Variants in OPCML observed in about 807,000 individuals in gnomAD.
The protein encoded by OPCML is opioid-binding protein/cell adhesion molecule.
In OPCML, 13 loss-of-function variants were observed where a neutral mutation model predicts 37.8. That is an observed-to-expected ratio of 0.34 (90% CI 0.22 to 0.55). The LOEUF is 0.55. Among genes scored for constraint, OPCML ranks in the 20% least tolerant of loss-of-function variants. The pLI is 0.91. For synonymous variants in OPCML, 176 were observed against 168.8 expected (o/e 1.04, Z -0.33); for missense variants, 341 against 435.6 (o/e 0.78, Z 1.93).
At chr11:132,632,587 C>T (rs528802565) in intron 3 of OPCML, among the ~76,000 whole-genome samples, 54 of 152,052 alleles carry the variant, frequency 3.6e-4, no homozygotes, top group Non-Finnish European at 6.2e-4. Context: ...AACACAATGT[C>T]GCCGCAGAGG....
intron 2 of OPCML, among the ~76,000 whole-genome samples, chr11:132,808,616 G>T (rs565982521): frequency 1.3e-5 from 2 of 152,234 alleles, no homozygotes; most frequent in East Asian, 3.9e-4. Context: ...TAGTGTAAAT[G>T]AAACACGACT....
At chr11:133,258,249 C>A (rs901735352) in intron 1 of OPCML, among the ~76,000 whole-genome samples, 2 of 152,300 alleles carry the variant, frequency 1.3e-5, no homozygotes, top group South Asian at 2.1e-4. Flanking sequence ...AGGCCACACA[C>A]AAAGCAGTCA....
intron 1 of OPCML, among the ~76,000 whole-genome samples, chr11:133,239,831 T>C (rs1047089532): frequency 3.9e-5 from 6 of 152,106 alleles, no homozygotes; most frequent in Admixed American, 6.5e-5. Flanking sequence ...ATCCCAGGAA[T>C]GACAAGCACT....
intron 1 of OPCML, among the ~76,000 whole-genome samples, chr11:133,309,308 G>T (rs1943012000): frequency 6.6e-6 from 1 of 152,096 alleles, no homozygotes; most frequent in Admixed American, 6.6e-5. Flanking sequence ...AACTGTGAAG[G>T]GCACAAGATC....
intron 1 of OPCML, among the ~76,000 whole-genome samples, chr11:133,254,344 A>G (rs749811620): frequency 6.6e-6 from 1 of 152,230 alleles, no homozygotes; most frequent in Non-Finnish European, 1.5e-5. Context: ...GCTACAGAAC[A>G]TGCATCCCAC....
intron 2 of OPCML, among the ~76,000 whole-genome samples, chr11:132,667,385 T>C (rs181324481): frequency 2.1e-4 from 32 of 152,300 alleles, no homozygotes; most frequent in Admixed American, 2.0e-3. Flanking sequence ...GCTGAGGACT[T>C]AATGAACTTT....
chr11:132,655,459 G>A (rs1183832838), intron 3 of OPCML, among the ~76,000 whole-genome samples: 1 of 152,244 alleles, frequency 6.6e-6, no homozygotes, highest in Non-Finnish European at 1.5e-5. Flanking sequence ...AGTATCAGAT[G>A]TGACAGTTGT....
At chr11:132,978,587 C>T (rs1946514685) in intron 1 of OPCML, among the ~76,000 whole-genome samples, 1 of 152,024 alleles carries the variant, frequency 6.6e-6, no homozygotes, top group Non-Finnish European at 1.5e-5. Flanking sequence ...GCAGAAGCTA[C>T]GAATAAAGGA....
At chr11:132,643,386 G>T (rs996911352) in intron 3 of OPCML, among the ~76,000 whole-genome samples, 4 of 152,170 alleles carry the variant, frequency 2.6e-5, no homozygotes, top group African/African-American at 2.4e-5. Context: ...CCAGAGAACC[G>T]CAGGGTGTCC....
At chr11:132,930,979 G>A (rs554198224) in intron 2 of OPCML, among the ~76,000 whole-genome samples, 1 of 152,210 alleles carries the variant, frequency 6.6e-6, no homozygotes, top group African/African-American at 2.4e-5. Context: ...ACAGACCAAT[G>A]GAATGAAATA....
At chr11:133,416,563 ACTGT>A (rs1390107262) in intron 1 of OPCML, among the ~76,000 whole-genome samples, 2 of 152,112 alleles carry the variant, frequency 1.3e-5, no homozygotes, top group Non-Finnish European at 2.9e-5. Context: ...CTGTCAGGTG[ACTGT>A]CCTTGTTCAT....
chr11:132,567,875 A>G (rs1382365717), intron 3 of OPCML, among the ~76,000 whole-genome samples: 1 of 152,210 alleles, frequency 6.6e-6, no homozygotes, highest in Non-Finnish European at 1.5e-5. Flanking sequence ...TGCACAGAAC[A>G]GTTGTTGCAA....
Position 133,112,034 on chromosome 11 carries a change from C to T in OPCML, c.62-169024G>A, listed in dbSNP as rs147468156. Among the ~76,000 whole-genome samples, 559 of 152,184 alleles carry T rather than the reference C, an allele frequency of 3.7e-3. 2 individuals carry two copies. The highest frequency in any genetic ancestry group is 0.013 in the African/African-American group (528 of 41,536). ...GGGGGAAATTGTCCTGTACATCCAC[C>T]TTCACGCTGGTTCTTAGAAAATATA... On this transcript the variant is annotated intron_variant, in intron 1 of 7. Coordinates refer to ENST00000524381, the MANE Select transcript of OPCML (RefSeq NM_001012393.5).
intron 1 of OPCML, among the ~76,000 whole-genome samples, chr11:133,278,585 T>C (rs2136501506): frequency 6.6e-6 from 1 of 152,116 alleles, no homozygotes; most frequent in Non-Finnish European, 1.5e-5. Flanking sequence ...TGAGAGGGCA[T>C]ATATAAGAGG....
chr11:133,087,311 T>C (rs967405482), intron 1 of OPCML, among the ~76,000 whole-genome samples: 9 of 152,210 alleles, frequency 5.9e-5, no homozygotes, highest in African/African-American at 1.9e-4. Flanking sequence ...ATTTTAGGTG[T>C]AGGGGCTACC....
intron 1 of OPCML, among the ~76,000 whole-genome samples, chr11:133,265,521 G>C (rs1444154625): frequency 6.6e-6 from 1 of 152,198 alleles, no homozygotes; most frequent in African/African-American, 2.4e-5. Context: ...AATTTCTAGG[G>C]AAAGAAACTT....
At chr11:133,433,013 T>G (rs564270139) in intron 1 of OPCML, among the ~76,000 whole-genome samples, 1 of 152,218 alleles carries the variant, frequency 6.6e-6, no homozygotes, top group African/African-American at 2.4e-5. Context: ...TTTTTGGTAT[T>G]TATTTTCTCA....
intron 3 of OPCML, among the ~76,000 whole-genome samples, chr11:132,599,204 T>A (rs1327212021): frequency 6.6e-6 from 1 of 152,136 alleles, no homozygotes; most frequent in Non-Finnish European, 1.5e-5. Flanking sequence ...GAGAATCGCT[T>A]GAACCCGGGA....
At chr11:132,498,711 GATCCGAAGA>G (rs2096239036) in intron 4 of OPCML, among the ~76,000 whole-genome samples, 1 of 143,052 alleles carries the variant, frequency 7.0e-6, no homozygotes, top group African/African-American at 3.0e-5. Context: ...AGGCATATAG[GATCCGAAGA>G]ACCCAAGTCC....
Sources: gnomAD v4.1 joint callset for allele counts (sites outside exome capture counted in the v4.1 genomes callset) on GRCh38, gnomAD v4.1.1 for gene constraint, MANE v1.5 for transcripts, NCBI Gene and HGNC (gene_info 2026-07-23, HGNC 2026-07-21) for gene names.